Variants in SNX13 observed in about 807,000 individuals in gnomAD.
SNX13 encodes the protein sorting nexin-13.
A neutral mutation model predicts 133.6 loss-of-function variants in SNX13; 45 were observed. The ratio of observed to expected loss-of-function variants is 0.34; its 90% CI spans 0.27 to 0.43. The LOEUF (loss-of-function observed/expected upper bound fraction) is 0.43, where lower values mean the gene tolerates loss of function less well. Ranked by LOEUF, SNX13 falls within the 20% of genes least tolerant of loss-of-function variation. The pLI is 1.00. For synonymous variants in SNX13, 414 were observed against 373.9 expected (o/e 1.11, Z -1.24); for missense variants, 1,032 against 1,145.1 (o/e 0.90, Z 1.43).
chr7:17,834,086 A>T lies in SNX13; in HGVS notation c.1563T>A (p.Asp521Glu). The T allele has an allele frequency of 6.3e-7, 1 of 1,586,286 alleles. No homozygotes were observed. ...RMLAELDMLK[D>E]PSFRGSDDGD... ...CATCATCGGATCCTCTGAAACTAGGATCTTTTAACATGTCAAGCTCAGCTA... is the reference window on the plus strand; with the variant it reads ...CATCATCGGATCCTCTGAAACTAGGTTCTTTTAACATGTCAAGCTCAGCTA... Residue 521 changes from aspartate (D) to glutamate (E), a missense_variant, in exon 15 of 26, where the codon GAT becomes GAA. By Grantham distance (45) the Asp-to-Glu change is conservative. Coordinates refer to ENST00000428135, the MANE Select transcript of SNX13 (RefSeq NM_015132.5).
At chr7:17,887,930 G>C (rs556421909) in intron 5 of SNX13, among the ~76,000 whole-genome samples, 151 of 151,742 alleles carry the variant, frequency 1.0e-3, no homozygotes, top group African/African-American at 3.4e-3. Context: ...GTAAGTTAAA[G>C]AATAGAGGTG....
At chr7:17,856,315 G>A (rs1791877604) in intron 9 of SNX13, among the ~76,000 whole-genome samples, 1 of 152,112 alleles carries the variant, frequency 6.6e-6, no homozygotes, top group Non-Finnish European at 1.5e-5. Context: ...CCAAAAACCT[G>A]TAATAGTTAA....
At chr7:17,902,689 T>C (rs1032134067) in intron 1 of SNX13, among the ~76,000 whole-genome samples, 13 of 152,296 alleles carry the variant, frequency 8.5e-5, no homozygotes, top group African/African-American at 2.9e-4. Flanking sequence ...ATCCAAAGAA[T>C]ACAGACAAAT....
intron 5 of SNX13, among the ~76,000 whole-genome samples, chr7:17,878,689 A>C (rs1435716404): frequency 3.3e-5 from 5 of 152,172 alleles, no homozygotes; most frequent in African/African-American, 9.6e-5. Context: ...TACAGCTTTA[A>C]AACTGCAATA....
intron 17 of SNX13, among the ~76,000 whole-genome samples, chr7:17,824,440 T>C (rs1453740984): frequency 6.6e-6 from 1 of 152,122 alleles, no homozygotes; most frequent in Admixed American, 6.6e-5. Context: ...AATAAGTATT[T>C]AATGAACCAA....
Position 17,796,807 on chromosome 7 carries a change from A to T in SNX13, c.2626+20T>A. On this transcript the variant is annotated intron_variant, in intron 25 of 25. Coordinates refer to ENST00000428135, the MANE Select transcript of SNX13 (RefSeq NM_015132.5). ...AGAATGACAAATTATAAAGATTTTT[A>T]ACTATACATGCTCACTCACCTGGCA... The T allele has an allele frequency of 6.6e-7, 1 of 1,521,430 alleles. No individual in the cohort carries two copies. The highest frequency in any genetic ancestry group is 1.1e-5 in the South Asian group (1 of 89,156). 94.2% of individuals were successfully genotyped at this position (1,521,430 alleles called of 1,614,324 possible).
At chr7:17,821,764 TGAA>T (rs1416009306) in intron 17 of SNX13, 116 bp from the exon 18 acceptor site, 25 of 1,194,808 alleles carry the variant, frequency 2.1e-5, no homozygotes, top group Non-Finnish European at 2.3e-5. Context: ...TAATATGAAA[TGAA>T]GAAGAATCTG....
chr7:17,807,871 T>A (rs1275260572), intron 20 of SNX13, among the ~76,000 whole-genome samples: 1 of 151,118 alleles, frequency 6.6e-6, no homozygotes, highest in Admixed American at 6.6e-5. Flanking sequence ...GGGGCCTGAT[T>A]GTTAGAAGGA....
At chr7:17,827,913 T>C (rs1311230946) in intron 16 of SNX13, among the ~76,000 whole-genome samples, 1 of 151,878 alleles carries the variant, frequency 6.6e-6, no homozygotes, top group Non-Finnish European at 1.5e-5. Context: ...TATTATCTAC[T>C]ATAACTTCTT....
chr7:17,892,043 G>C (rs1449810339), intron 3 of SNX13, among the ~76,000 whole-genome samples: 1 of 151,906 alleles, frequency 6.6e-6, no homozygotes, highest in African/African-American at 2.4e-5. Context: ...TTTTTAAACG[G>C]ATTTTATGTA....
chr7:17,793,987 G>T lies in SNX13; in HGVS notation c.*58C>A, dbSNP rs1583428779. ...ACAGTATTTGAGTTAAGCCCCAGAA[G>T]ATCTGTCCATACCATTAGTCCTGGA... On this transcript the variant is annotated 3_prime_UTR_variant, in exon 26 of 26. Coordinates refer to ENST00000428135, the MANE Select transcript of SNX13 (RefSeq NM_015132.5). The T allele has an allele frequency of 2.6e-6, 4 of 1,560,598 alleles. No homozygotes were observed. Among genetic ancestry groups the T allele is most frequent in the East Asian group, 2.3e-5 (1 of 44,316 alleles).
intron 8 of SNX13, among the ~76,000 whole-genome samples, chr7:17,869,933 A>G (rs997923303): frequency 2.6e-5 from 4 of 152,084 alleles, no homozygotes; most frequent in African/African-American, 9.7e-5. Context: ...CAAAAGGAGA[A>G]AAAAACACCT....
At chr7:17,821,754 T>C in intron 17 of SNX13, 106 bp from the exon 18 acceptor site, 11 of 1,271,408 alleles carry the variant, frequency 8.7e-6, no homozygotes, top group Non-Finnish European at 1.2e-5. Context: ...ACAAAAAAGA[T>C]AATATGAAAT....
chr7:17,829,877 G>A (rs1321203713), intron 16 of SNX13, 133 bp downstream of exon 16: 6 of 512,824 alleles, frequency 1.2e-5, no homozygotes, highest in Admixed American at 4.0e-5. Flanking sequence ...TTCTTTAAAA[G>A]CATAATAACT....
At chr7:17,833,118 G>A (rs1042947833) in intron 15 of SNX13, among the ~76,000 whole-genome samples, 1 of 151,398 alleles carries the variant, frequency 6.6e-6, no homozygotes, top group Non-Finnish European at 1.5e-5. Flanking sequence ...TCATTCACTT[G>A]GTAGAACATA....
intron 1 of SNX13, among the ~76,000 whole-genome samples, chr7:17,915,540 GCCT>G (rs1799456984): frequency 6.6e-6 from 1 of 152,168 alleles, no homozygotes; most frequent in South Asian, 2.1e-4. Flanking sequence ...GATCAGGGCT[GCCT>G]CCTCTGACTG....
At chr7:17,803,358 C>A in intron 21 of SNX13, 61 bp downstream of exon 21, 2 of 1,464,418 alleles carry the variant, frequency 1.4e-6, no homozygotes, top group Non-Finnish European at 1.8e-6. Flanking sequence ...AACCAGAATT[C>A]AATACATCTT....
chr7:17,922,177 CA>C (rs1232016684), intron 1 of SNX13, among the ~76,000 whole-genome samples: 1 of 152,184 alleles, frequency 6.6e-6, no homozygotes, highest in African/African-American at 2.4e-5. Flanking sequence ...GCAGTGAGCA[CA>C]GGGTTACAAA....
chr7:17,936,139 A>T (rs903074125), intron 1 of SNX13, among the ~76,000 whole-genome samples: 8 of 152,308 alleles, frequency 5.3e-5, no homozygotes, highest in African/African-American at 1.9e-4. Flanking sequence ...ATATGCTGTA[A>T]ATTCTATCAT....
Sources: gnomAD v4.1 joint callset for allele counts (sites outside exome capture counted in the v4.1 genomes callset) on GRCh38, gnomAD v4.1.1 for gene constraint, MANE v1.5 for transcripts, NCBI Gene and HGNC (gene_info 2026-07-23, HGNC 2026-07-21) for gene names.